The following ZNG1E variants were observed in gnomAD, a reference collection of about 807,000 sequenced individuals.
The protein encoded by ZNG1E is zinc-regulated GTPase metalloprotein activator 1E.
chr9:65,659,235 C>T, the ZNG1E span, among the ~76,000 whole-genome samples: 129 of 151,456 alleles, frequency 8.5e-4, no homozygotes, highest in Non-Finnish European at 1.5e-3. Flanking sequence ...TGGTGGCTCA[C>T]GCCTGTAATC....
At chr9:65,691,738 C>T in the ZNG1E span, among the ~76,000 whole-genome samples, 1 of 152,034 alleles carries the variant, frequency 6.6e-6, no homozygotes, top group African/African-American at 2.4e-5. Context: ...AAACACTCCT[C>T]CCTTACTTTA....
At chr9:65,720,160 G>A in the ZNG1E span, 1 of 1,525,770 alleles carries the variant, frequency 6.6e-7, no homozygotes, top group Non-Finnish European at 8.9e-7. Flanking sequence ...TAACTAGATA[G>A]GCTATGTTTA....
chr9:65,663,634 C>G, the ZNG1E span, among the ~76,000 whole-genome samples: 1 of 151,124 alleles, frequency 6.6e-6, no homozygotes, highest in Admixed American at 6.6e-5. Flanking sequence ...AACAATAGTG[C>G]TATGAATGTC....
the ZNG1E span, among the ~76,000 whole-genome samples, chr9:65,685,565 C>A: frequency 3.3e-5 from 5 of 151,700 alleles, no homozygotes; most frequent in Non-Finnish European, 7.4e-5. Flanking sequence ...AACAACTTCT[C>A]ATTAGTTAAA....
chr9:65,661,517 T>C, the ZNG1E span, among the ~76,000 whole-genome samples: 3 of 152,248 alleles, frequency 2.0e-5, no homozygotes, highest in Admixed American at 2.0e-4. Flanking sequence ...TGCTAATATC[T>C]AGAATATTCA....
the ZNG1E span, among the ~76,000 whole-genome samples, chr9:65,661,792 T>A: frequency 6.6e-6 from 1 of 152,330 alleles, no homozygotes; most frequent in African/African-American, 2.4e-5. Flanking sequence ...CAAAGGAATT[T>A]TTTGGGATGG....
At chr9:65,667,597 C>T in the ZNG1E span, among the ~76,000 whole-genome samples, 9 of 151,634 alleles carry the variant, frequency 5.9e-5, no homozygotes, top group East Asian at 6.0e-4. Flanking sequence ...AATTTACTTT[C>T]GAGCATGTTT....
the ZNG1E span, among the ~76,000 whole-genome samples, chr9:65,660,946 A>T: frequency 7.6e-6 from 1 of 131,400 alleles, no homozygotes; most frequent in Non-Finnish European, 1.6e-5. Context: ...AGCAGTTGTG[A>T]TGTGATTCAA....
chr9:65,683,968 C>A, the ZNG1E span, among the ~76,000 whole-genome samples: 1 of 152,278 alleles, frequency 6.6e-6, no homozygotes, highest in Non-Finnish European at 1.5e-5. Context: ...TTCATCATAG[C>A]CAGTTTTGCC....
the ZNG1E span, among the ~76,000 whole-genome samples, chr9:65,677,647 T>C: frequency 6.6e-6 from 1 of 152,372 alleles, no homozygotes; most frequent in African/African-American, 2.4e-5. Flanking sequence ...TTAATGATCT[T>C]TATAAATGTC....
At chr9:65,684,172 A>G in the ZNG1E span, among the ~76,000 whole-genome samples, 1 of 152,108 alleles carries the variant, frequency 6.6e-6, no homozygotes, top group Non-Finnish European at 1.5e-5. Flanking sequence ...TGGAACATTC[A>G]TTGTAAAAAA....
chr9:65,684,761 GC>G, the ZNG1E span, among the ~76,000 whole-genome samples: 1 of 152,210 alleles, frequency 6.6e-6, no homozygotes, highest in Admixed American at 6.6e-5. Flanking sequence ...TTTTTAATAA[GC>G]CCTTCAGGTG....
chr9:65,678,646 A>T, the ZNG1E span, among the ~76,000 whole-genome samples: 1 of 140,106 alleles, frequency 7.1e-6, no homozygotes, highest in Middle Eastern at 3.4e-3. Context: ...TACGGTTCAC[A>T]AGACTTTTTT....
At chr9:65,673,890 A>G in the ZNG1E span, among the ~76,000 whole-genome samples, 1 of 152,300 alleles carries the variant, frequency 6.6e-6, no homozygotes. Context: ...AAATATGTCA[A>G]AGAAGGTGGT....
At chr9:65,715,013 A>C in the ZNG1E span, among the ~76,000 whole-genome samples, 1 of 149,548 alleles carries the variant, frequency 6.7e-6, no homozygotes, top group Non-Finnish European at 1.5e-5. Context: ...GCCGCCTTGC[A>C]GTTTGATCTC....
chr9:65,717,707 A>G, the ZNG1E span, among the ~76,000 whole-genome samples: 2 of 149,062 alleles, frequency 1.3e-5, no homozygotes, highest in African/African-American at 5.1e-5. Flanking sequence ...TTCCCCTTGG[A>G]GACAGGGTCT....
chr9:65,658,521 A>G, the ZNG1E span, among the ~76,000 whole-genome samples: 1 of 151,944 alleles, frequency 6.6e-6, no homozygotes, highest in Admixed American at 6.6e-5. Flanking sequence ...AATAATCAAT[A>G]AAATAATTCA....
the ZNG1E span, among the ~76,000 whole-genome samples, chr9:65,664,159 T>C: frequency 6.6e-6 from 1 of 152,026 alleles, no homozygotes; most frequent in Non-Finnish European, 1.5e-5. Flanking sequence ...TATTTACATA[T>C]GTAATACTCT....
the ZNG1E span, among the ~76,000 whole-genome samples, chr9:65,673,781 G>T: frequency 6.6e-6 from 1 of 152,296 alleles, no homozygotes; most frequent in African/African-American, 2.4e-5. Context: ...ATCCCTGCTG[G>T]GCGACAGAGT....
Sources: allele counts gnomAD v4.1 joint callset (sites outside exome capture counted in the v4.1 genomes callset), GRCh38; gene constraint gnomAD v4.1.1; transcripts MANE v1.5; gene names NCBI Gene and HGNC (gene_info 2026-07-23, HGNC 2026-07-21).